The following GTF2A1 variants were observed in gnomAD, a reference collection of about 807,000 sequenced individuals.
GTF2A1 encodes transcription initiation factor IIA subunit 1.
GTF2A1 carries 12 observed loss-of-function variants against 54.1 expected under a neutral mutation model. The ratio of observed to expected loss-of-function variants is 0.22; its 90% CI spans 0.14 to 0.36. The LOEUF is 0.36. Among genes scored for constraint, GTF2A1 ranks in the 10% least tolerant of loss-of-function variants. The pLI, the probability that GTF2A1 is intolerant of heterozygous loss-of-function variation, is 1.00. For missense variants in GTF2A1, 335 were observed against 442.2 expected, an observed-to-expected ratio of 0.76 and a Z score of 2.17; for synonymous variants, 145 against 152.0, an observed-to-expected ratio of 0.95 and a Z score of 0.34.
chr14:81,203,877 T>C, intron 3 of GTF2A1, 23 bp downstream of exon 3: 3 of 1,577,824 alleles, frequency 1.9e-6, no homozygotes, highest in Non-Finnish European at 2.6e-6. Flanking sequence ...AAGTCATAAG[T>C]AGGAAAACAA....
chr14:81,210,049 CAAG>C, intron 2 of GTF2A1: 1 of 131,128 alleles, frequency 7.6e-6, no homozygotes, highest in Non-Finnish European at 1.7e-5. Context: ...AATGGTCCCA[CAAG>C]AAATATGCAG....
chr14:81,191,662 G>T (rs2140153330), intron 7 of GTF2A1, among the ~76,000 whole-genome samples: 1 of 152,190 alleles, frequency 6.6e-6, no homozygotes, highest in South Asian at 2.1e-4. Context: ...CAACACAAAT[G>T]TATGAGCAAA....
intron 4 of GTF2A1, among the ~76,000 whole-genome samples, chr14:81,199,475 T>G (rs569064942): frequency 1.3e-5 from 2 of 152,338 alleles, no homozygotes; most frequent in East Asian, 3.9e-4. Context: ...GTTTTTATGA[T>G]TAGTTCATTT....
intron 4 of GTF2A1, among the ~76,000 whole-genome samples, chr14:81,197,720 G>A (rs936241204): frequency 1.3e-5 from 2 of 152,084 alleles, no homozygotes; most frequent in African/African-American, 4.8e-5. Context: ...TTCCCCTAGA[G>A]AAGGTGCTCT....
rs754273536 is a variant in GTF2A1, at chr14:81,186,421, G to A, written c.934-801C>T. On this transcript the variant is annotated intron_variant, in intron 7 of 8. Transcript: ENST00000553612. ...CATGTTTAGCATGATGATGGTTATG[G>A]TAGAGGTATGAAGCAGAATTAAGAT... 3.3e-5 allele frequency among the ~76,000 whole-genome samples: 5 copies of A among 152,272 alleles called. No individual in the cohort carries two copies. The Middle Eastern group carries it at 0.01, about 311-fold the overall frequency.
chr14:81,207,592 G>C (rs533095407), intron 2 of GTF2A1, among the ~76,000 whole-genome samples: 2 of 152,350 alleles, frequency 1.3e-5, no homozygotes, highest in South Asian at 4.1e-4. Context: ...GTGGAACTGT[G>C]TAACAGGCAG....
chr14:81,194,919 G>C (rs577652639), intron 6 of GTF2A1, among the ~76,000 whole-genome samples: 6 of 152,264 alleles, frequency 3.9e-5, no homozygotes, highest in African/African-American at 1.4e-4. Context: ...AAAGCGGGCA[G>C]ATCACCTGAA....
intron 1 of GTF2A1, among the ~76,000 whole-genome samples, chr14:81,219,140 AAAC>A (rs1188790054): frequency 6.6e-6 from 1 of 152,314 alleles, no homozygotes; most frequent in East Asian, 1.9e-4. Context: ...TGAAAATTGT[AAAC>A]AAAAAGGGAC....
chr14:81,182,135 T>C (rs1892652629), intron 8 of GTF2A1, among the ~76,000 whole-genome samples: 1 of 152,050 alleles, frequency 6.6e-6, no homozygotes, highest in South Asian at 2.1e-4. Context: ...ACAACCTTCA[T>C]CTTATTTGGA....
At chr14:81,182,784 T>C (rs1369877945) in intron 8 of GTF2A1, among the ~76,000 whole-genome samples, 2 of 152,204 alleles carry the variant, frequency 1.3e-5, no homozygotes, top group Non-Finnish European at 2.9e-5. Flanking sequence ...TACAAAATCC[T>C]TACTATCTGC....
At position 81,203,890 on chromosome 14, in the gene GTF2A1, C is replaced by A; in HGVS notation, c.337+10G>T. The A allele has an allele frequency of 1.2e-6, 2 of 1,603,414 alleles. No homozygotes were observed. The highest frequency in any genetic ancestry group is 2.2e-5 in the South Asian group (2 of 90,870). On this transcript the variant is annotated intron_variant, in intron 3 of 8. Transcript: ENST00000553612. ...CCAAGTCATAAGTAGGAAAACAAGT[C>A]CAGTCTCACCTTGCTGTGATGCAGG... is the stretch of plus-strand genomic sequence containing the variant.
chr14:81,189,602 T>G (rs1892829779), intron 7 of GTF2A1, among the ~76,000 whole-genome samples: 1 of 151,860 alleles, frequency 6.6e-6, no homozygotes, highest in African/African-American at 2.4e-5. Context: ...ACCCGGGGGA[T>G]GGAGCATGCA....
intron 8 of GTF2A1, 105 bp from the exon 9 acceptor site, chr14:81,180,435 A>C: frequency 1.6e-6 from 1 of 625,722 alleles, no homozygotes; most frequent in Non-Finnish European, 2.9e-6. Flanking sequence ...ACACCCCCCC[A>C]CAAAACAGTA....
Position 81,193,366 on chromosome 14 carries a change from C to T in GTF2A1, c.613-527G>A, listed in dbSNP as rs903579890. 6.6e-5 allele frequency among the ~76,000 whole-genome samples: 10 copies of T among 152,186 alleles called. No homozygotes were observed. The East Asian group carries it at 1.9e-3, about 30-fold the overall frequency. ...ATTTTTAGCAGAGACGGGGTTTTGC[C>T]ATGTTGGTCAGGCTGGTCTCGAACT... On this transcript the variant is annotated intron_variant, in intron 6 of 8. Transcript: ENST00000553612.
intron 2 of GTF2A1, chr14:81,209,988 T>C: frequency 1.3e-6 from 1 of 768,042 alleles, no homozygotes; most frequent in Non-Finnish European, 1.9e-6. Flanking sequence ...ATACTGTTCC[T>C]ATATAAGGAT....
In GTF2A1 at chr14:81,209,990, T is replaced by C. The variant is rs145364219; in HGVS notation, c.133-5886A>G. 65 of 759,206 alleles carry C rather than the reference T, an allele frequency of 8.6e-5. No individual in the cohort carries two copies. In the East Asian group the frequency reaches 3.7e-3, roughly 43 times the overall value. The allele number at this position is 759,206 out of a possible 1,614,324, so 47.0% of individuals were successfully genotyped here. On this transcript the variant is annotated intron_variant, in intron 2 of 8. Transcript: ENST00000553612. ...ATTGTCTTCTAGAATACTGTTCCTA[T>C]ATAAGGATGCTACTGACATTTTCGG...
intron 2 of GTF2A1, among the ~76,000 whole-genome samples, chr14:81,212,160 A>G (rs949400832): frequency 6.6e-6 from 1 of 152,114 alleles, no homozygotes; most frequent in Non-Finnish European, 1.5e-5. Context: ...ACTGAATTTC[A>G]GATATACTTC....
chr14:81,192,529 T>C lies in GTF2A1; in HGVS notation c.923A>G (p.Gln308Arg). 1 of 1,605,764 alleles carries C rather than the reference T, an allele frequency of 6.2e-7. No individual in the cohort carries two copies. Among genetic ancestry groups the C allele is most frequent in the South Asian group, 1.1e-5 (1 of 89,862 alleles). The change falls in exon 7 of 9, where the codon CAG becomes CGG. Residue 308 changes from glutamine to arginine, a missense_variant. Physicochemically the swap from Gln to Arg is conservative, Grantham distance 43. Coordinates refer to ENST00000553612, the MANE Select transcript of GTF2A1 (RefSeq NM_015859.4). ...TTACTAGAAACTTACTTCTTCCACCTGCCCATCTTCAGCTCCATCTTTCTC... is the reference window on the plus strand; with the variant it reads ...TTACTAGAAACTTACTTCTTCCACCCGCCCATCTTCAGCTCCATCTTTCTC... ...DKEKDGAEDG[Q>R]VEEEPLNSED...
At chr14:81,180,425 A>AC in intron 8 of GTF2A1, 95 bp from the exon 9 acceptor site, 1 of 653,206 alleles carries the variant, frequency 1.5e-6, no homozygotes, top group Non-Finnish European at 2.8e-6. Context: ...ACGTACACAC[A>AC]CACCCCCCCA....
Sources: allele counts gnomAD v4.1 joint callset (sites outside exome capture counted in the v4.1 genomes callset), GRCh38; gene constraint gnomAD v4.1.1; transcripts MANE v1.5; gene names NCBI Gene and HGNC (gene_info 2026-07-23, HGNC 2026-07-21).